Variants in COBL observed in about 807,000 individuals in gnomAD.
COBL encodes cordon-bleu WH2 repeat protein, also known as protein cordon-bleu.
Under a neutral mutation model 98.8 loss-of-function variants are expected in COBL, and 51 were observed. The ratio of observed to expected loss-of-function variants is 0.52; its 90% CI spans 0.41 to 0.65. The LOEUF is 0.65. COBL is among the 30% of genes least tolerant of loss of function. The probability of loss-of-function intolerance (pLI) is 0.00; values close to 1 mark genes in which losing one functional copy is unlikely to be tolerated. For missense variants in COBL, 1,617 were observed against 1,617.5 expected (o/e 1.00, Z 0.01); for synonymous variants, 634 against 651.7 (o/e 0.97, Z 0.41).
At chr7:51,282,233 G>C (rs1422161466) in intron 1 of COBL, among the ~76,000 whole-genome samples, 2 of 152,062 alleles carry the variant, frequency 1.3e-5, no homozygotes, top group African/African-American at 4.8e-5. Context: ...CAAATGATTT[G>C]ATGTAACGTA....
rs1370214734 is a variant in COBL, at chr7:51,139,813, C to T, written c.784-3482G>A. Among the ~76,000 whole-genome samples, 11 of 152,114 alleles carry T rather than the reference C, an allele frequency of 7.2e-5. 1 individual carries two copies. The highest frequency in any genetic ancestry group is 1.4e-4 in the African/African-American group (6 of 41,426). The stretch of plus-strand genomic sequence containing the variant: ...TTTAAAGTCCTGACTCATATCAATA[C>T]GAAGTCAAAGGGAAAACCAAGAGCT... On this transcript the variant is annotated intron_variant, in intron 5 of 12. Coordinates refer to ENST00000265136, the MANE Select transcript of COBL (RefSeq NM_015198.5).
chr7:51,277,798 C>T (rs1210236362), intron 1 of COBL, among the ~76,000 whole-genome samples: 1 of 152,104 alleles, frequency 6.6e-6, no homozygotes, highest in Admixed American at 6.5e-5. Flanking sequence ...GGGCACAGAG[C>T]CAGGTAAGAA....
At chr7:51,105,706 G>A (rs747477345) in intron 6 of COBL, among the ~76,000 whole-genome samples, 9 of 151,968 alleles carry the variant, frequency 5.9e-5, no homozygotes, top group African/African-American at 1.2e-4. Context: ...AGCTGTGATC[G>A]TTCTACTGCA....
At chr7:51,249,625 T>C (rs1412894434) in intron 1 of COBL, among the ~76,000 whole-genome samples, 1 of 152,230 alleles carries the variant, frequency 6.6e-6, no homozygotes, top group Non-Finnish European at 1.5e-5. Flanking sequence ...ATTTGACACC[T>C]TCCTTTTACT....
At chr7:51,270,843 A>G (rs1223901315) in intron 1 of COBL, among the ~76,000 whole-genome samples, 2 of 152,028 alleles carry the variant, frequency 1.3e-5, no homozygotes, top group Non-Finnish European at 1.5e-5. Flanking sequence ...CAAAACCAAA[A>G]AAAAACAAGA....
intron 6 of COBL, among the ~76,000 whole-genome samples, chr7:51,107,054 C>A (rs1258356314): frequency 6.7e-6 from 1 of 150,248 alleles, no homozygotes; most frequent in African/African-American, 2.4e-5. Context: ...TCCCTCACCT[C>A]AAATACTTAA....
chr7:51,312,229 G>C (rs969323279), intron 1 of COBL, among the ~76,000 whole-genome samples: 36 of 152,128 alleles, frequency 2.4e-4, no homozygotes, highest in African/African-American at 8.0e-4. Context: ...TACTCCGGAG[G>C]CTGAGGCAGG....
Position 51,144,515 on chromosome 7 carries a change from T to C in COBL, c.784-8184A>G, listed in dbSNP as rs1784846591. Among the ~76,000 whole-genome samples the C allele has an allele frequency of 2.6e-5, 4 of 152,242 alleles. No homozygotes were observed. The South Asian group carries it at 8.3e-4, about 32-fold the overall frequency. ...CAGATCAAGCATTGGCTGTTTTCCT[T>C]TTTTAAATTATGATAACAAAATGTG... On this transcript the variant is annotated intron_variant, in intron 5 of 12. Transcript: ENST00000265136.
intron 6 of COBL, among the ~76,000 whole-genome samples, chr7:51,110,697 T>C (rs1796744457): frequency 6.6e-6 from 1 of 152,200 alleles, no homozygotes; most frequent in Non-Finnish European, 1.5e-5. Flanking sequence ...CCTTCCACTC[T>C]TGCCCACAAG....
At chr7:51,110,931 C>T (rs1796767787) in intron 6 of COBL, among the ~76,000 whole-genome samples, 1 of 152,192 alleles carries the variant, frequency 6.6e-6, no homozygotes, top group Non-Finnish European at 1.5e-5. Context: ...TTTATCCACT[C>T]ATTGATCGAT....
At chr7:51,204,093 C>A (rs1791426379) in intron 2 of COBL, among the ~76,000 whole-genome samples, 1 of 152,120 alleles carries the variant, frequency 6.6e-6, no homozygotes, top group Non-Finnish European at 1.5e-5. Flanking sequence ...CAATGTGATA[C>A]AACACATCAA....
chr7:51,207,629 A>C (rs1390236637), intron 2 of COBL, among the ~76,000 whole-genome samples: 1 of 152,210 alleles, frequency 6.6e-6, no homozygotes, highest in East Asian at 1.9e-4. Context: ...ACGGGGTTTC[A>C]CTGTGTTGGC....
chr7:51,124,086 T>C (rs1797985750), intron 6 of COBL, among the ~76,000 whole-genome samples: 1 of 152,150 alleles, frequency 6.6e-6, no homozygotes, highest in African/African-American at 2.4e-5. Context: ...ATAAGGATAT[T>C]GTAAAGATGA....
At chr7:51,136,473 A>G (rs1371237702) in intron 5 of COBL, 142 bp from the exon 6 acceptor site, 5 of 849,450 alleles carry the variant, frequency 5.9e-6, no homozygotes, top group Non-Finnish European at 8.9e-6. Context: ...GAATGGTCTG[A>G]GCAAGCCCTG....
chr7:51,065,796 G>A (rs1791864597), intron 7 of COBL, among the ~76,000 whole-genome samples: 1 of 152,218 alleles, frequency 6.6e-6, no homozygotes, highest in African/African-American at 2.4e-5. Flanking sequence ...AACATTATTA[G>A]GATAAGGTCT....
chr7:51,297,391 C>CTTTTTTTTT (rs71021766), intron 1 of COBL, among the ~76,000 whole-genome samples: 1 of 119,278 alleles, frequency 8.4e-6, no homozygotes, highest in African/African-American at 3.2e-5. Flanking sequence ...TTTTGAAAAT[C>CTTTTTTTTT]TTTTTTTTTT....
intron 2 of COBL, among the ~76,000 whole-genome samples, chr7:51,212,131 T>C (rs1792511028): frequency 6.6e-6 from 1 of 152,022 alleles, no homozygotes; most frequent in Non-Finnish European, 1.5e-5. Context: ...GTAAATGTTA[T>C]TTTTTTTGTA....
intron 7 of COBL, among the ~76,000 whole-genome samples, chr7:51,047,082 G>A (rs1392146640): frequency 2.0e-5 from 3 of 152,168 alleles, no homozygotes; most frequent in African/African-American, 7.2e-5. Flanking sequence ...TTCCCTGAGA[G>A]GGTAAGTCAT....
intron 5 of COBL, among the ~76,000 whole-genome samples, chr7:51,144,412 G>A (rs1442091589): frequency 1.3e-5 from 2 of 152,148 alleles, no homozygotes; most frequent in Non-Finnish European, 2.9e-5. Context: ...AAACTCAGCT[G>A]CACGGAACTC....
Sources: allele counts gnomAD v4.1 joint callset (sites outside exome capture counted in the v4.1 genomes callset), GRCh38; gene constraint gnomAD v4.1.1; transcripts MANE v1.5; gene names NCBI Gene and HGNC (gene_info 2026-07-23, HGNC 2026-07-21).